The following KAZN variants were observed in gnomAD, a reference collection of about 807,000 sequenced individuals.
KAZN encodes kazrin.
A neutral mutation model predicts 87.4 loss-of-function variants in KAZN; 40 were observed. The ratio of observed to expected loss-of-function variants is 0.46; its 90% CI spans 0.36 to 0.60. The LOEUF (loss-of-function observed/expected upper bound fraction) is 0.60. Among genes scored for constraint, KAZN ranks in the 20% least tolerant of loss-of-function variants. KAZN has a pLI of 0.00. For synonymous variants in KAZN, 466 were observed against 458.3 expected (o/e 1.02, Z -0.22); for missense variants, 898 against 1,073.9 (o/e 0.84, Z 2.29).
chr1:14,083,773 A>G (rs1422742567), intron 1 of KAZN, among the ~76,000 whole-genome samples: 1 of 152,190 alleles, frequency 6.6e-6, no homozygotes, highest in East Asian at 1.9e-4. Flanking sequence ...CTCATATCTC[A>G]TCACAGCATC....
chr1:14,647,667 C>T (rs1250428332), intron 1 of KAZN, among the ~76,000 whole-genome samples: 1 of 152,100 alleles, frequency 6.6e-6, no homozygotes, highest in Non-Finnish European at 1.5e-5. Flanking sequence ...GAATCGGGGC[C>T]TGGTATTGGC....
intron 1 of KAZN, among the ~76,000 whole-genome samples, chr1:14,866,635 G>A (rs767903201): frequency 1.3e-5 from 2 of 152,218 alleles, no homozygotes; most frequent in Non-Finnish European, 2.9e-5. Flanking sequence ...GCTGAGGTAG[G>A]AGGATCCCTT....
intron 1 of KAZN, among the ~76,000 whole-genome samples, chr1:13,976,061 G>A (rs1638343640): frequency 6.6e-6 from 1 of 152,186 alleles, no homozygotes; most frequent in African/African-American, 2.4e-5. Flanking sequence ...TTTATCTTGT[G>A]AGGCTGGTTC....
chr1:14,263,078 A>G (rs72644442), intron 2 of KAZN, among the ~76,000 whole-genome samples: 3 of 152,110 alleles, frequency 2.0e-5, no homozygotes, highest in Non-Finnish European at 4.4e-5. Flanking sequence ...GACTTTTACT[A>G]TGTTACTCTG....
chr1:14,006,568 A>C lies in KAZN; in HGVS notation c.91+112812A>C, dbSNP rs1024197348. Among the ~76,000 whole-genome samples, 5 of 152,062 alleles carry C rather than the reference A, an allele frequency of 3.3e-5. No individual in the cohort carries two copies. The East Asian group carries it at 9.7e-4, about 29-fold the overall frequency. ...TTATTCTTTTGCATGTGAATATTTA[A>C]TTTTCTTAACATCATTTATTGAAGA... is the stretch of plus-strand genomic sequence containing the variant. On this transcript the variant is annotated intron_variant, in intron 1 of 16. Coordinates refer to the KAZN transcript ENST00000636203.
At chr1:14,469,055 G>T (rs1668310762) in intron 2 of KAZN, among the ~76,000 whole-genome samples, 2 of 152,078 alleles carry the variant, frequency 1.3e-5, no homozygotes, top group African/African-American at 4.8e-5. Flanking sequence ...AAATCAGATT[G>T]TTCCCTTCAT....
chr1:14,255,179 A>G (rs1650410782), intron 2 of KAZN, among the ~76,000 whole-genome samples: 1 of 151,150 alleles, frequency 6.6e-6, no homozygotes. Flanking sequence ...AGGAGAAACC[A>G]GTGTCTCAAA....
At chr1:14,604,207 C>A (rs959450633) in intron 1 of KAZN, among the ~76,000 whole-genome samples, 3 of 152,128 alleles carry the variant, frequency 2.0e-5, no homozygotes, top group Non-Finnish European at 4.4e-5. Flanking sequence ...GGAGTGTCAC[C>A]GCCAGCAGTC....
intron 2 of KAZN, among the ~76,000 whole-genome samples, chr1:14,508,626 T>C (rs888034729): frequency 6.6e-6 from 1 of 152,164 alleles, no homozygotes; most frequent in Non-Finnish European, 1.5e-5. Flanking sequence ...CAAGCCCACA[T>C]GACATCAAGA....
chr1:14,284,887 T>C (rs1455638061), intron 2 of KAZN, among the ~76,000 whole-genome samples: 4 of 152,238 alleles, frequency 2.6e-5, no homozygotes, highest in African/African-American at 9.6e-5. Flanking sequence ...CTCTCTGTTT[T>C]ACTCTTACAA....
In KAZN at chr1:15,081,132, C is replaced by G. The variant is rs1639986253; in HGVS notation, c.1223-13048C>G. 6.6e-6 allele frequency among the ~76,000 whole-genome samples: 1 copy of G among 152,106 alleles called. No individual in the cohort carries two copies. Among genetic ancestry groups the G allele is most frequent in the Non-Finnish European group, 1.5e-5 (1 of 68,020 alleles). On this transcript the variant is annotated intron_variant, in intron 8 of 14. Transcript: ENST00000376030. This position sits in a 1 kb window ranked among gnomAD's most constrained non-coding sequence, Gnocchi z 4.1. Reference sequence around the variant, plus strand: ...ATGAGACCACAGAGGAAGGCCTGCTCCCTCCCTCCCTCCGTTCCTCCCTTC... The same window carrying G: ...ATGAGACCACAGAGGAAGGCCTGCTGCCTCCCTCCCTCCGTTCCTCCCTTC...
chr1:14,479,704 CA>C (rs1220978358), intron 2 of KAZN, among the ~76,000 whole-genome samples: 2 of 152,316 alleles, frequency 1.3e-5, no homozygotes, highest in East Asian at 3.9e-4. Flanking sequence ...CCCACCATCT[CA>C]CACTGTGAGC....
chr1:14,672,492 G>A (rs1177424832), intron 1 of KAZN, among the ~76,000 whole-genome samples: 2 of 152,156 alleles, frequency 1.3e-5, no homozygotes, highest in African/African-American at 4.8e-5. Flanking sequence ...CAAGGCCGAG[G>A]ATCATTGAAA....
chr1:14,112,380 G>T lies in KAZN; in HGVS notation c.92-68055G>T, dbSNP rs187515723. Among the ~76,000 whole-genome samples the T allele has an allele frequency of 2.5e-5, 2 of 78,892 alleles. 1 individual carries two copies. The highest frequency in any genetic ancestry group is 1.9e-3 in the East Asian group (2 of 1,050). 51.8% of individuals were successfully genotyped at this position (78,892 alleles called of 152,430 possible). A position where few individuals can be genotyped will look rare whatever the true frequency, so the allele number is the denominator to read the frequency against. On this transcript the variant is annotated intron_variant, in intron 1 of 16. Transcript: ENST00000636203. ...TGGTAGTGAGGACAAACCCACCACC[G>T]TTACTTGGGTGAGGAGCTGCCTGCA... is the stretch of plus-strand genomic sequence containing the variant.
chr1:14,009,638 C>T (rs1382594217), intron 1 of KAZN, among the ~76,000 whole-genome samples: 1 of 152,208 alleles, frequency 6.6e-6, no homozygotes, highest in Non-Finnish European at 1.5e-5. Context: ...CTCACATAGT[C>T]AGTGGTCAGG....
intron 1 of KAZN, among the ~76,000 whole-genome samples, chr1:14,150,573 G>A (rs1333288790): frequency 6.6e-6 from 1 of 152,160 alleles, no homozygotes; most frequent in East Asian, 1.9e-4. Flanking sequence ...TCTTGCATGT[G>A]ATACAAGAGG....
At chr1:15,063,468 A>AGAT (rs2100548348) in intron 6 of KAZN, 104 bp from the exon 7 acceptor site, 1 of 964,438 alleles carries the variant, frequency 1.0e-6, no homozygotes, top group Admixed American at 1.8e-5. Flanking sequence ...GGCCCCTGAG[A>AGAT]GATGGCATCC....
intron 1 of KAZN, among the ~76,000 whole-genome samples, chr1:14,038,007 C>G (rs1003585837): frequency 1.3e-5 from 2 of 152,174 alleles, no homozygotes; most frequent in Non-Finnish European, 2.9e-5. Flanking sequence ...ATTCACTCAA[C>G]CACCCACCTG....
intron 2 of KAZN, among the ~76,000 whole-genome samples, chr1:14,394,215 C>A (rs1213756198): frequency 1.3e-5 from 2 of 152,218 alleles, no homozygotes; most frequent in Admixed American, 6.5e-5. Flanking sequence ...TCAAAAGATG[C>A]AAAAGCTCCT....
Sources: allele counts gnomAD v4.1 joint callset (sites outside exome capture counted in the v4.1 genomes callset), GRCh38; gene constraint gnomAD v4.1.1; non-coding constraint Gnocchi (gnomAD v3.1); transcripts MANE v1.5; gene names NCBI Gene and HGNC (gene_info 2026-07-23, HGNC 2026-07-21).